The following SCP2 variants were observed in gnomAD, a reference collection of about 807,000 sequenced individuals.
The protein encoded by SCP2 is SCP-2/3-oxoacyl-CoA thiolase.
SCP2 carries 48 observed loss-of-function variants against 71.4 expected under a neutral mutation model. That is an observed-to-expected ratio of 0.67 (90% CI 0.53 to 0.86). The LOEUF is 0.86. Ranked by LOEUF, SCP2 falls within the 40% of genes least tolerant of loss-of-function variation. The pLI is 0.00. For missense variants in SCP2, 560 were observed against 655.6 expected (o/e 0.85, Z 1.59); for synonymous variants, 220 against 218.1 (o/e 1.01, Z -0.08).
intron 6 of SCP2, among the ~76,000 whole-genome samples, chr1:52,962,605 C>T (rs1156687824): frequency 1.3e-5 from 2 of 151,994 alleles, no homozygotes; most frequent in Admixed American, 6.6e-5. Context: ...ACTGTATCTC[C>T]GACCATTTTT....
chr1:53,019,447 C>T (rs1661565165), intron 12 of SCP2, among the ~76,000 whole-genome samples: 1 of 152,090 alleles, frequency 6.6e-6, no homozygotes, highest in African/African-American at 2.4e-5. Context: ...CTGATTTGGC[C>T]AGTGGGAACC....
At chr1:52,997,188 C>G (rs1329655721) in intron 11 of SCP2, among the ~76,000 whole-genome samples, 1 of 151,868 alleles carries the variant, frequency 6.6e-6, no homozygotes, top group Non-Finnish European at 1.5e-5. Flanking sequence ...AGATTTTTTT[C>G]CAGACAGTCT....
Position 52,956,763 on chromosome 1 carries a change from T to C in SCP2, c.396+1959T>C, listed in dbSNP as rs145227300. The stretch of plus-strand genomic sequence containing the variant: ...TAATGTTTATGATACATGAAAAATA[T>C]GTATTTTTTTCAGCAGTGAATGGTA... On this transcript the variant is annotated intron_variant, in intron 5 of 15. Coordinates refer to ENST00000371514, the MANE Select transcript of SCP2 (RefSeq NM_002979.5). Among the ~76,000 whole-genome samples, 149 of 152,266 alleles carry C rather than the reference T, an allele frequency of 9.8e-4. 4 individuals are homozygous for C. In the East Asian group the frequency reaches 0.027, roughly 28 times the overall value.
At chr1:53,017,774 C>G (rs972932459) in intron 12 of SCP2, among the ~76,000 whole-genome samples, 1 of 152,242 alleles carries the variant, frequency 6.6e-6, no homozygotes, top group African/African-American at 2.4e-5. Flanking sequence ...ATAAAGACAA[C>G]AAGAAGCAAT....
At chr1:53,023,403 C>T (rs967751204) in intron 12 of SCP2, among the ~76,000 whole-genome samples, 1 of 152,100 alleles carries the variant, frequency 6.6e-6, no homozygotes, top group Non-Finnish European at 1.5e-5. Flanking sequence ...GACTTTTGAC[C>T]AAGACGATAT....
At chr1:53,034,996 T>G (rs1262815660) in intron 13 of SCP2, among the ~76,000 whole-genome samples, 1 of 151,880 alleles carries the variant, frequency 6.6e-6, no homozygotes, top group South Asian at 2.1e-4. Flanking sequence ...TCCCAGCTAC[T>G]TGGGAGGCTG....
chr1:53,044,814 C>T (rs1663683199), intron 14 of SCP2, among the ~76,000 whole-genome samples: 1 of 152,218 alleles, frequency 6.6e-6, no homozygotes, highest in Non-Finnish European at 1.5e-5. Context: ...ACAAGGTAGA[C>T]ATGGCTGATT....
At chr1:53,013,421 TAAAAAAAAAA>T (rs776237493) in intron 11 of SCP2, among the ~76,000 whole-genome samples, 2 of 117,216 alleles carry the variant, frequency 1.7e-5, no homozygotes, top group Non-Finnish European at 3.4e-5. Flanking sequence ...CCGTCTCTAC[TAAAAAAAAAA>T]AAAAAAAAAA....
intron 13 of SCP2, among the ~76,000 whole-genome samples, chr1:53,028,707 C>CT (rs1662308926): frequency 6.7e-6 from 1 of 150,248 alleles, no homozygotes; most frequent in Non-Finnish European, 1.5e-5. Context: ...GGTTAACATT[C>CT]TTTCAGACAT....
intron 11 of SCP2, chr1:52,995,246 C>T: frequency 2.0e-6 from 1 of 498,394 alleles, no homozygotes; most frequent in Non-Finnish European, 4.0e-6. Context: ...GTGTCTGACA[C>T]CGTGGTCGAG....
At chr1:52,946,208 C>T (rs1250455639) in intron 2 of SCP2, among the ~76,000 whole-genome samples, 1 of 151,540 alleles carries the variant, frequency 6.6e-6, no homozygotes, top group African/African-American at 2.4e-5. Flanking sequence ...GGATTACAGG[C>T]ATGAGCCACT....
chr1:53,039,922 A>G (rs1034964748), intron 14 of SCP2, among the ~76,000 whole-genome samples: 1 of 152,212 alleles, frequency 6.6e-6, no homozygotes, highest in African/African-American at 2.4e-5. Context: ...AAACTGAACT[A>G]CAGATATTTC....
chr1:53,008,364 G>A (rs1207031849), intron 11 of SCP2, among the ~76,000 whole-genome samples: 4 of 152,222 alleles, frequency 2.6e-5, no homozygotes, highest in East Asian at 1.9e-4. Context: ...GATGAACATT[G>A]ATGCAAAAGT....
chr1:52,945,336 C>T lies in SCP2; in HGVS notation c.128-2673C>T, dbSNP rs181068837. Reference sequence around the variant, plus strand: ...GAGTAGCTGGGACTACAGGTACTCGCCACTGTGCACAGCTTGTATCCTAAT... The same window carrying T: ...GAGTAGCTGGGACTACAGGTACTCGTCACTGTGCACAGCTTGTATCCTAAT... On this transcript the variant is annotated intron_variant, in intron 2 of 15. Coordinates refer to ENST00000371514, the MANE Select transcript of SCP2 (RefSeq NM_002979.5). Among the ~76,000 whole-genome samples, 526 of 152,178 alleles carry T rather than the reference C, an allele frequency of 3.5e-3. 4 individuals carry two copies. The highest frequency in any genetic ancestry group is 5.6e-3 in the Non-Finnish European group (384 of 68,020).
chr1:53,024,201 A>C lies in SCP2; in HGVS notation c.1236-3768A>C, dbSNP rs190453641. 4.6e-5 allele frequency among the ~76,000 whole-genome samples: 7 copies of C among 152,338 alleles called. No individual in the cohort carries two copies. In the East Asian group the frequency reaches 1.3e-3, roughly 29 times the overall value. The stretch of plus-strand genomic sequence containing the variant: ...AGTGATATGTCAGTCACAAAAAGAC[A>C]AATACTATATGATTCCACTTAGAAT... On this transcript the variant is annotated intron_variant, in intron 12 of 15. Transcript: ENST00000371514.
intron 11 of SCP2, chr1:52,993,439 T>G: frequency 6.2e-7 from 1 of 1,614,166 alleles, no homozygotes; most frequent in African/African-American, 1.3e-5. Context: ...TATTACCAAT[T>G]AAAATCATTG....
chr1:52,988,536 G>A (rs1470590973), intron 11 of SCP2, among the ~76,000 whole-genome samples: 1 of 151,968 alleles, frequency 6.6e-6, no homozygotes, highest in Non-Finnish European at 1.5e-5. Flanking sequence ...TTGACTGGCT[G>A]GCCGTGTGAA....
intron 11 of SCP2, chr1:52,995,332 C>T (rs1221427489): frequency 8.4e-6 from 4 of 477,638 alleles, no homozygotes; most frequent in South Asian, 5.2e-5. Flanking sequence ...CAATGAGGCC[C>T]TCTATGACAT....
chr1:52,964,700 C>T (rs72899311), intron 6 of SCP2, among the ~76,000 whole-genome samples: 10,177 of 151,940 alleles, frequency 0.067, 586 homozygotes, highest in East Asian at 0.21. Context: ...ATTCTTTTTA[C>T]CTATATTGCT....
Sources: allele counts gnomAD v4.1 joint callset (sites outside exome capture counted in the v4.1 genomes callset), GRCh38; gene constraint gnomAD v4.1.1; transcripts MANE v1.5; gene names NCBI Gene and HGNC (gene_info 2026-07-23, HGNC 2026-07-21).